The following ZNF41 variants were observed in gnomAD, a reference collection of about 807,000 sequenced individuals.
ZNF41 encodes the protein zinc finger protein 41.
ZNF41 carries 6 observed loss-of-function variants against 9.3 expected under a neutral mutation model. The observed-to-expected ratio is 0.65, with a 90% CI of 0.35 to 1.28. The LOEUF is 1.28. Ranked by LOEUF, ZNF41 falls within the 50% of genes most tolerant of loss-of-function variation. ZNF41 has a pLI of 0.03. For missense variants in ZNF41, 523 were observed against 585.8 expected (o/e 0.89, Z 1.11); for synonymous variants, 192 against 207.1 (o/e 0.93, Z 0.63).
intron 2 of ZNF41, among the ~76,000 whole-genome samples, chrX:47,461,195 T>A (rs1180439549): frequency 9.5e-6 from 1 of 105,338 alleles, no homozygotes; most frequent in Non-Finnish European, 1.9e-5. Context: ...CCTCCCGGGT[T>A]CAAGTGATCC....
chrX:47,459,976 C>T (rs960183774), intron 2 of ZNF41, among the ~76,000 whole-genome samples: 1 of 109,370 alleles, frequency 9.1e-6, no homozygotes, highest in Admixed American at 9.8e-5. Flanking sequence ...AGGCCAGGTG[C>T]AGTGGCTCAT....
At chrX:47,454,057 G>C (rs2056459392) in intron 4 of ZNF41, among the ~76,000 whole-genome samples, 1 of 111,385 alleles carries the variant, frequency 9.0e-6, no homozygotes, top group Non-Finnish European at 1.9e-5. Context: ...GGGTGGCAGA[G>C]TGAGACTCTG....
intron 1 of ZNF41, among the ~76,000 whole-genome samples, chrX:47,476,615 A>G (rs1051290419): frequency 9.0e-6 from 1 of 111,445 alleles, no homozygotes; most frequent in Admixed American, 9.6e-5. Flanking sequence ...AAACCACAAG[A>G]TACCACTTCA....
Position 47,446,116 on chromosome X carries a change from A to G in ZNF41, c.*1314T>C, listed in dbSNP as rs1284326152. 2 of 111,488 alleles carry G rather than the reference A, an allele frequency of 1.8e-5. No individual in the cohort carries two copies. The highest frequency in any genetic ancestry group is 6.5e-5 in the African/African-American group (2 of 30,683). The allele number at this position is 111,488 out of a possible 1,213,427, so 9.2% of individuals were successfully genotyped here. On this transcript the variant is annotated 3_prime_UTR_variant, in exon 5 of 5. Coordinates refer to ENST00000684689, the MANE Select transcript of ZNF41 (RefSeq NM_001324144.2). ...GATATATGCATTTTCTGTATACATT[A>G]TAGTTTAATAAAAAGATTTTAAAAT... is the stretch of plus-strand genomic sequence containing the variant.
intron 1 of ZNF41, among the ~76,000 whole-genome samples, chrX:47,477,957 G>A (rs2057378955): frequency 8.9e-6 from 1 of 112,556 alleles, no homozygotes; most frequent in Non-Finnish European, 1.9e-5. Context: ...AATGTCCATC[G>A]ACTGATGAAT....
intron 1 of ZNF41, among the ~76,000 whole-genome samples, chrX:47,478,195 T>C (rs1384944903): frequency 8.9e-6 from 1 of 112,104 alleles, no homozygotes; most frequent in Non-Finnish European, 1.9e-5. Context: ...AACAGTACTG[T>C]ATTGTGCACT....
At chrX:47,482,622 T>A (rs2057509338) in intron 1 of ZNF41, 1 of 107,314 alleles carries the variant, frequency 9.3e-6, no homozygotes, top group Non-Finnish European at 2.0e-5. Flanking sequence ...CGCGTGTGCG[T>A]CGAAGGAGAG....
Position 47,456,349 on chromosome X carries a change from C to T in ZNF41, c.122G>A (p.Trp41Ter), listed in dbSNP as rs377439895. 3 of 1,209,347 alleles carry T rather than the reference C, an allele frequency of 2.5e-6. No individual in the cohort carries two copies. The African/African-American group carries it at 5.3e-5, about 21-fold the overall frequency. The change falls in exon 3 of 5, where the codon TGG becomes TAG. Residue 41 changes from tryptophan (W) to a stop codon, truncating the protein, a stop_gained. Coordinates refer to ENST00000684689, the MANE Select transcript of ZNF41 (RefSeq NM_001324144.2). LOFTEE classifies it high-confidence loss of function. ...DVTVDFSKEE[W>*]QHLDPAQRRL... ...TCTCTGGGCAGGGTCCAAGTGCTGC[C>T]ACTCCTCCTTGCTGAAGTCCACAGT...
At chrX:47,479,514 T>C (rs1320906878) in intron 1 of ZNF41, among the ~76,000 whole-genome samples, 1 of 111,930 alleles carries the variant, frequency 8.9e-6, no homozygotes, top group Non-Finnish European at 1.9e-5. Context: ...GTATCATTTT[T>C]AATTGGATGG....
At chrX:47,454,032 G>A (rs757908771) in intron 4 of ZNF41, among the ~76,000 whole-genome samples, 8 of 111,258 alleles carry the variant, frequency 7.2e-5, no homozygotes, top group Non-Finnish European at 1.3e-4. Flanking sequence ...AAATGGCACC[G>A]TTGCATTCCA....
At position 47,474,147 on chromosome X, in the gene ZNF41, T is replaced by C. The variant is rs1354327532; in HGVS notation, c.-279-6387A>G. Among the ~76,000 whole-genome samples, 4 of 112,391 alleles carry C rather than the reference T, an allele frequency of 3.6e-5. No homozygotes were observed. In the Admixed American group the frequency reaches 3.8e-4, roughly 11 times the overall value. On this transcript the variant is annotated intron_variant, in intron 1 of 4. Coordinates refer to ENST00000684689, the MANE Select transcript of ZNF41 (RefSeq NM_001324144.2). ...TGGATGGTTTTCAAGGACATTATGC[T>C]GAGTGAAAAAACCAACCTGAAAAGA... is the stretch of plus-strand genomic sequence containing the variant.
intron 4 of ZNF41, among the ~76,000 whole-genome samples, chrX:47,451,414 C>A: frequency 8.9e-6 from 1 of 112,259 alleles, no homozygotes; most frequent in East Asian, 2.8e-4. Flanking sequence ...CGGATCTGGC[C>A]CCAGTTACCC....
chrX:47,454,610 G>A (rs1387962408), intron 4 of ZNF41, among the ~76,000 whole-genome samples: 1 of 111,736 alleles, frequency 8.9e-6, no homozygotes, highest in East Asian at 2.8e-4. Context: ...TTGCAGAATT[G>A]TTTGTATTAG....
intron 1 of ZNF41, among the ~76,000 whole-genome samples, chrX:47,474,392 A>G (rs1205966965): frequency 9.0e-6 from 1 of 111,277 alleles, no homozygotes; most frequent in African/African-American, 3.3e-5. Flanking sequence ...ACTTGAACCC[A>G]GGAGGAGGTT....
In ZNF41 at chrX:47,460,443, C is replaced by T. The variant is rs1292781401; in HGVS notation, c.73-4045G>A. On this transcript the variant is annotated intron_variant, in intron 2 of 4. Transcript: ENST00000684689. ...TACAACAAAGCTTAGAACTACTATT[C>T]ATTTAAAACACAGCATTAAAAGAGA... 9.0e-5 allele frequency among the ~76,000 whole-genome samples: 10 copies of T among 111,706 alleles called. 1 individual carries two copies. Among genetic ancestry groups the T allele is most frequent in the African/African-American group, 2.9e-4 (9 of 30,791 alleles).
At chrX:47,463,077 T>C (rs1243081993) in intron 2 of ZNF41, among the ~76,000 whole-genome samples, 1 of 110,418 alleles carries the variant, frequency 9.1e-6, no homozygotes, top group Admixed American at 9.7e-5. Context: ...CCTCCCGCTT[T>C]GGCCTCCCAA....
intron 2 of ZNF41, among the ~76,000 whole-genome samples, chrX:47,460,222 G>A (rs781656595): frequency 1.2e-3 from 130 of 112,212 alleles, no homozygotes; most frequent in Middle Eastern, 4.6e-3. Flanking sequence ...CCATGTTTGT[G>A]TCACTGTACT....
In ZNF41 at chrX:47,447,615, A is replaced by G; in HGVS notation, c.2155T>C (p.Tyr719His). Reference sequence around the variant, plus strand: ...GCTTTCCCACATTTACTACATTCATAGTGTCTTTCTCCAGTATGAGACTTC... The same window carrying G: ...GCTTTCCCACATTTACTACATTCATGGTGTCTTTCTCCAGTATGAGACTTC... ...HQKSHTGERH[Y>H]ECSKCGKAFI... Residue 719 changes from tyrosine to histidine, a missense_variant, in exon 5 of 5, where the codon TAT (tyrosine) becomes CAT (histidine). By Grantham distance (83) the Tyr-to-His change is moderately conservative (BLOSUM62 2). Transcript: ENST00000684689. 1 of 1,211,653 alleles carries G rather than the reference A, an allele frequency of 8.3e-7. No individual in the cohort carries two copies. The highest frequency in any genetic ancestry group is 1.1e-6 in the Non-Finnish European group (1 of 895,444).
chrX:47,479,090 C>T (rs771439387), intron 1 of ZNF41, among the ~76,000 whole-genome samples: 9 of 111,001 alleles, frequency 8.1e-5, no homozygotes, highest in Non-Finnish European at 1.5e-4. Context: ...CTAATGGGTA[C>T]GATGTTTCCT....
Sources: allele counts gnomAD v4.1 joint callset (sites outside exome capture counted in the v4.1 genomes callset), GRCh38; gene constraint gnomAD v4.1.1; transcripts MANE v1.5; gene names NCBI Gene and HGNC (gene_info 2026-07-23, HGNC 2026-07-21).